Variants in NLN observed in about 807,000 individuals in gnomAD.
The protein encoded by NLN is neurolysin, mitochondrial.
In NLN, 64 loss-of-function variants were observed where a neutral mutation model predicts 79.9. That is an observed-to-expected ratio of 0.80 (90% CI 0.65 to 0.99). NLN has a LOEUF of 0.99. Ranked by LOEUF, NLN falls within the 50% of genes least tolerant of loss-of-function variation. NLN has a pLI of 0.00. For synonymous variants in NLN, 267 were observed against 296.6 expected (o/e 0.90, Z 1.02); for missense variants, 835 against 858.7 (o/e 0.97, Z 0.34).
intron 1 of NLN, among the ~76,000 whole-genome samples, chr5:65,737,490 G>A (rs1057139802): frequency 2.0e-5 from 3 of 151,830 alleles, no homozygotes; most frequent in African/African-American, 7.3e-5. Context: ...TTTCATTTCT[G>A]TACCTCCACT....
intron 9 of NLN, among the ~76,000 whole-genome samples, chr5:65,803,301 G>A (rs894671894): frequency 2.0e-5 from 3 of 152,146 alleles, no homozygotes; most frequent in African/African-American, 7.2e-5. Flanking sequence ...CATGCAGAGG[G>A]GCACCTGCAG....
At chr5:65,773,321 T>C (rs892857774) in intron 3 of NLN, among the ~76,000 whole-genome samples, 6 of 151,816 alleles carry the variant, frequency 4.0e-5, no homozygotes, top group Admixed American at 6.6e-5. Flanking sequence ...TTAGTTGTTG[T>C]AGAGATGAGG....
intron 1 of NLN, among the ~76,000 whole-genome samples, chr5:65,751,620 A>G (rs575194863): frequency 6.6e-6 from 1 of 152,360 alleles, no homozygotes; most frequent in African/African-American, 2.4e-5. Context: ...GAAAGCCTTG[A>G]TGAGAGGAAG....
At chr5:65,801,546 G>C (rs1233492973) in intron 9 of NLN, among the ~76,000 whole-genome samples, 4 of 152,184 alleles carry the variant, frequency 2.6e-5, no homozygotes, top group Non-Finnish European at 4.4e-5. Context: ...ATATTTAAAT[G>C]ATGTTGCCCA....
intron 1 of NLN, among the ~76,000 whole-genome samples, chr5:65,752,592 G>A (rs1278344992): frequency 2.0e-5 from 3 of 152,296 alleles, no homozygotes; most frequent in East Asian, 1.9e-4. Context: ...CCACCCAGGT[G>A]CAGTTCTTTC....
At chr5:65,766,449 A>T (rs1267554748) in intron 3 of NLN, among the ~76,000 whole-genome samples, 2 of 152,138 alleles carry the variant, frequency 1.3e-5, no homozygotes, top group African/African-American at 4.8e-5. Flanking sequence ...CCATCACGAG[A>T]ACAGCATGGG....
chr5:65,731,463 T>C (rs538139665), intron 1 of NLN, among the ~76,000 whole-genome samples: 31 of 152,330 alleles, frequency 2.0e-4, no homozygotes, highest in African/African-American at 7.2e-4. Flanking sequence ...AGTTACTGTT[T>C]TTACTTGTGT....
chr5:65,733,572 A>G (rs1487760134), intron 1 of NLN: 4 of 1,501,202 alleles, frequency 2.7e-6, no homozygotes, highest in East Asian at 2.3e-5. Context: ...CAGGCAGCCC[A>G]AGAGGATCTT....
At chr5:65,821,652 G>A (rs745804998) in intron 12 of NLN, among the ~76,000 whole-genome samples, 1 of 152,182 alleles carries the variant, frequency 6.6e-6, no homozygotes, top group African/African-American at 2.4e-5. Context: ...GAGTTTCTGA[G>A]AAGGTAACTT....
intron 1 of NLN, among the ~76,000 whole-genome samples, chr5:65,728,306 A>G (rs1758524505): frequency 6.6e-6 from 1 of 152,124 alleles, no homozygotes; most frequent in Non-Finnish European, 1.5e-5. Context: ...TAAAATATAA[A>G]TAGCTATAAT....
chr5:65,811,152 A>ATATG lies in NLN; in HGVS notation c.1843+990_1843+993dup, dbSNP rs1447765511. Among the ~76,000 whole-genome samples the ATATG allele has an allele frequency of 2.0e-5, 3 of 152,244 alleles. No individual in the cohort carries two copies. The East Asian group carries it at 5.8e-4, about 29-fold the overall frequency. ...TAAGCCAATATATAGTTGTGCTTTT[A>ATATG]TATGTAGTTGGTAAGGTGGATTTTT... On this transcript the variant is annotated intron_variant, in intron 11 of 12. Coordinates refer to ENST00000380985, the MANE Select transcript of NLN (RefSeq NM_020726.5).
At position 65,758,822 on chromosome 5, in the gene NLN, T is replaced by C. The variant is rs767817992; in HGVS notation, c.297T>C (p.Tyr99=). 6.6e-5 allele frequency: 106 copies of C among 1,610,160 alleles called. 1 individual carries two copies. The highest frequency in any genetic ancestry group is 8.2e-5 in the Non-Finnish European group (96 of 1,176,842). The change falls in exon 2 of 13, where the codon TAT becomes TAC. Residue 99 remains tyrosine, a synonymous_variant. Coordinates refer to ENST00000380985, the MANE Select transcript of NLN (RefSeq NM_020726.5). Reference sequence around the variant, plus strand: ...CACTGGCAGATGTAGAAGTAAAGTATATAGGTGGGTCAGATGCAGAAGCAT... The same window carrying C: ...CACTGGCAGATGTAGAAGTAAAGTACATAGGTGGGTCAGATGCAGAAGCAT... ...LQALADVEVK[Y]IVERTMLDFP...
intron 3 of NLN, among the ~76,000 whole-genome samples, chr5:65,763,555 T>C (rs1222182625): frequency 6.6e-6 from 1 of 152,178 alleles, no homozygotes; most frequent in Non-Finnish European, 1.5e-5. Context: ...AAATTATGGA[T>C]AATAAATGTT....
chr5:65,750,083 G>A (rs957026558), intron 1 of NLN, among the ~76,000 whole-genome samples: 2 of 152,158 alleles, frequency 1.3e-5, no homozygotes, highest in Non-Finnish European at 2.9e-5. Context: ...AAGGAGAAAG[G>A]GTACCCAAGG....
chr5:65,745,184 C>T (rs1046397898), intron 1 of NLN, among the ~76,000 whole-genome samples: 1 of 152,188 alleles, frequency 6.6e-6, no homozygotes, highest in Non-Finnish European at 1.5e-5. Context: ...TGGGGCACTT[C>T]TCCACAGCCC....
chr5:65,724,053 AC>A (rs1330609299), intron 1 of NLN, among the ~76,000 whole-genome samples: 3 of 138,710 alleles, frequency 2.2e-5, no homozygotes, highest in South Asian at 2.5e-4. Context: ...TTCCAAACCA[AC>A]CCCCCCGCCC....
At chr5:65,744,751 T>A (rs1335309067) in intron 1 of NLN, among the ~76,000 whole-genome samples, 1 of 151,996 alleles carries the variant, frequency 6.6e-6, no homozygotes, top group Non-Finnish European at 1.5e-5. Context: ...ATACAAAAAT[T>A]TGTATTCCAG....
intron 1 of NLN, among the ~76,000 whole-genome samples, chr5:65,746,493 T>C (rs1373563627): frequency 6.6e-6 from 1 of 152,034 alleles, no homozygotes; most frequent in Non-Finnish European, 1.5e-5. Flanking sequence ...AGGACCCAGA[T>C]TGAAGTAGGG....
intron 12 of NLN, among the ~76,000 whole-genome samples, chr5:65,813,719 G>A (rs1760606693): frequency 6.6e-6 from 1 of 152,004 alleles, no homozygotes; most frequent in African/African-American, 2.4e-5. Context: ...TCAAGTCCAG[G>A]AATTTGAAAC....
Sources: allele counts gnomAD v4.1 joint callset (sites outside exome capture counted in the v4.1 genomes callset), GRCh38; gene constraint gnomAD v4.1.1; transcripts MANE v1.5; gene names NCBI Gene and HGNC (gene_info 2026-07-23, HGNC 2026-07-21).